The following MYCBP2 variants were observed in gnomAD, a reference collection of about 807,000 sequenced individuals.
MYCBP2 encodes MYC binding protein 2.
MYCBP2 carries 120 observed loss-of-function variants against 525.3 expected under a neutral mutation model. The ratio of observed to expected loss-of-function variants is 0.23; its 90% CI spans 0.20 to 0.27. The LOEUF (loss-of-function observed/expected upper bound fraction) is 0.27, where lower values mean the gene tolerates loss of function less well. MYCBP2 is among the 10% of genes least tolerant of loss of function. The pLI, the probability that MYCBP2 is intolerant of heterozygous loss-of-function variation, is 1.00. For missense variants in MYCBP2, 4,149 were observed against 5,657.1 expected, an observed-to-expected ratio of 0.73 and a Z score of 8.55; for synonymous variants, 1,894 against 1,955.8, an observed-to-expected ratio of 0.97 and a Z score of 0.83.
In MYCBP2 at chr13:77,058,519, C is replaced by T. The variant is rs912178712; in HGVS notation, c.13141-113G>A. 5.7e-5 allele frequency: 46 copies of T among 810,560 alleles called. No individual in the cohort carries two copies. The African/African-American group carries it at 7.1e-4, about 13-fold the overall frequency. 50.2% of individuals were successfully genotyped at this position (810,560 alleles called of 1,614,324 possible). ...TACTTTCCCACAGGAAGTATCTATG[C>T]AGGCCAAGTAACAACAAAGTAAAGT... On this transcript the variant is annotated intron_variant, in intron 77 of 82. Coordinates refer to ENST00000544440, the MANE Select transcript of MYCBP2 (RefSeq NM_015057.5). The surrounding 1 kb of genome is among the most constrained non-coding windows in gnomAD (Gnocchi z 4.1).
chr13:77,161,125 A>T (rs1335065741), intron 44 of MYCBP2, among the ~76,000 whole-genome samples: 1 of 152,114 alleles, frequency 6.6e-6, no homozygotes, highest in Non-Finnish European at 1.5e-5. Flanking sequence ...TACATCAGAA[A>T]CTCTGGTTTG....
chr13:77,242,100 C>A (rs1403545398), intron 17 of MYCBP2, among the ~76,000 whole-genome samples: 1 of 151,902 alleles, frequency 6.6e-6, no homozygotes, highest in Non-Finnish European at 1.5e-5. Context: ...CCAATTATAA[C>A]CACAGTTAAA....
At position 77,189,047 on chromosome 13, in the gene MYCBP2, T is replaced by C. The variant is rs374914298; in HGVS notation, c.4155A>G (p.Arg1385=). The C allele has an allele frequency of 7.5e-6, 12 of 1,604,532 alleles. No individual in the cohort carries two copies. In the African/African-American group the frequency reaches 1.5e-4, roughly 20 times the overall value. ...NAGQIPQLLY[R]LPTSDGSASK... ...AAGCACTGCCATCACTGGTTGGAAG[T>C]CTAAAGGCAGTAGACACATATAAAA... The change falls in exon 30 of 83, where the codon AGA becomes AGG. Residue 1385 remains arginine (R), a splice_region_variant and synonymous_variant. Transcript: ENST00000544440.
Position 77,270,442 on chromosome 13 carries a change from C to G in MYCBP2, c.1042G>C (p.Ala348Pro). ...QDWFSNGIKK[A>P]ALMHKWPLKE... ...AATGGCCACTTGTGCATTAAAGCTG[C>G]TTTCTTAATGCCATTACTAAACCAG... Residue 348 changes from alanine to proline, a missense_variant, in exon 6 of 83, where the codon GCA becomes CCA. By Grantham distance (27) the Ala-to-Pro change is conservative. This residue lies in a region of MYCBP2 where 413 missense variants were observed against 451.2 expected (regional missense o/e 0.92). Coordinates refer to ENST00000544440, the MANE Select transcript of MYCBP2 (RefSeq NM_015057.5). 1 of 1,613,778 alleles carries G rather than the reference C, an allele frequency of 6.2e-7. No individual in the cohort carries two copies. The highest frequency in any genetic ancestry group is 8.5e-7 in the Non-Finnish European group (1 of 1,179,814).
intron 36 of MYCBP2, among the ~76,000 whole-genome samples, chr13:77,176,019 C>CT (rs35933603): frequency 0.48 from 67,987 of 142,808 alleles, 19,432 homozygotes; most frequent in Non-Finnish European, 0.65. Flanking sequence ...AACAAAAACA[C>CT]TTTTTTTTTT....
At chr13:77,210,034 A>G (rs2063785621) in intron 23 of MYCBP2, among the ~76,000 whole-genome samples, 1 of 152,098 alleles carries the variant, frequency 6.6e-6, no homozygotes. Flanking sequence ...AACTTACTGG[A>G]ATCTTGCCTA....
intron 18 of MYCBP2, among the ~76,000 whole-genome samples, chr13:77,231,016 G>C (rs1323682929): frequency 5.3e-5 from 8 of 152,218 alleles, no homozygotes; most frequent in Admixed American, 5.2e-4. Context: ...TAAATGGTTA[G>C]TGGCTGGAGG....
At chr13:77,077,432 C>G (rs1237766427) in intron 66 of MYCBP2, 45 bp from the exon 67 acceptor site, 2 of 1,607,466 alleles carry the variant, frequency 1.2e-6, no homozygotes, top group Non-Finnish European at 1.7e-6. Flanking sequence ...AGCTGGATCA[C>G]TTTTATCACT....
intron 55 of MYCBP2, chr13:77,118,190 T>G (rs1469104600): frequency 2.3e-5 from 13 of 573,024 alleles, no homozygotes; most frequent in Non-Finnish European, 4.0e-5. Flanking sequence ...TAGCTCAGAA[T>G]AGCTTAGATA....
rs117641427 is a variant in MYCBP2, at chr13:77,094,905, T to C, written c.10199+453A>G. The stretch of plus-strand genomic sequence containing the variant: ...GACTTGACATCCGAGTATGAGTACA[T>C]AGAAGCCAGGATTTTGTTATATTCA... On this transcript the variant is annotated intron_variant, in intron 58 of 82. Coordinates refer to ENST00000544440, the MANE Select transcript of MYCBP2 (RefSeq NM_015057.5). 1.6e-3 allele frequency among the ~76,000 whole-genome samples: 238 copies of C among 152,282 alleles called. 1 individual carries two copies. Among genetic ancestry groups the C allele is most frequent in the South Asian group, 2.9e-3 (14 of 4,824 alleles).
intron 36 of MYCBP2, among the ~76,000 whole-genome samples, chr13:77,174,920 TA>T: frequency 1.2e-5 from 1 of 85,162 alleles, no homozygotes; most frequent in African/African-American, 8.2e-5. Context: ...TAATATATAT[TA>T]TATATATATA....
chr13:77,303,164 C>T (rs1158252534), intron 1 of MYCBP2, among the ~76,000 whole-genome samples: 2 of 152,178 alleles, frequency 1.3e-5, no homozygotes, highest in Admixed American at 6.5e-5. Context: ...GAAATACCGT[C>T]TCTACTAAAA....
In MYCBP2 at chr13:77,243,155, G is replaced by A. The variant is rs1288054096; in HGVS notation, c.2533C>T (p.Pro845Ser). The A allele has an allele frequency of 6.2e-7, 1 of 1,613,546 alleles. No individual in the cohort carries two copies. The highest frequency in any genetic ancestry group is 8.5e-7 in the Non-Finnish European group (1 of 1,179,718). ...MIPLDLLLAV[P>S]VPGVNIEEHL... ...TCTTCAATGTTAACCCCGGGCACTG[G>A]GACAGCTAGATGATTGGCCAAAAAC... The change falls in exon 17 of 83, where the codon CCA (proline) becomes TCA (serine). Residue 845 changes from proline to serine, a missense_variant. Physicochemically the swap from Pro to Ser is moderately conservative, Grantham distance 74. Around this residue, in one of 21 missense-constraint regions of MYCBP2, gnomAD observed 620 missense variants for 795.5 expected, o/e 0.78. Coordinates refer to ENST00000544440, the MANE Select transcript of MYCBP2 (RefSeq NM_015057.5).
At chr13:77,104,253 C>T (rs143042145) in intron 55 of MYCBP2, among the ~76,000 whole-genome samples, 171 of 152,058 alleles carry the variant, frequency 1.1e-3, no homozygotes, top group Admixed American at 2.8e-3. Flanking sequence ...GTGCTGTTTT[C>T]GGCTGATTCA....
chr13:77,083,643 A>T (rs1323248732), intron 62 of MYCBP2, among the ~76,000 whole-genome samples: 1 of 152,156 alleles, frequency 6.6e-6, no homozygotes, highest in Non-Finnish European at 1.5e-5. Context: ...ATTAGAAAAA[A>T]AAGCTCCTTT....
At chr13:77,056,621 G>GT (rs1344829487) in intron 79 of MYCBP2, among the ~76,000 whole-genome samples, 1 of 152,124 alleles carries the variant, frequency 6.6e-6, no homozygotes, top group East Asian at 1.9e-4. Flanking sequence ...TTAATGGCAG[G>GT]TATCAGTTTC....
chr13:77,132,426 T>C (rs2053048635), intron 52 of MYCBP2, among the ~76,000 whole-genome samples: 1 of 152,134 alleles, frequency 6.6e-6, no homozygotes, highest in Non-Finnish European at 1.5e-5. Flanking sequence ...CAAATGATAC[T>C]TTCTCTTCAA....
intron 52 of MYCBP2, chr13:77,129,259 T>C: frequency 2.5e-6 from 1 of 397,138 alleles, no homozygotes. Flanking sequence ...GAAAGAAAAA[T>C]ATCAACAAAG....
chr13:77,210,015 C>G (rs895779456), intron 23 of MYCBP2, among the ~76,000 whole-genome samples: 1 of 152,126 alleles, frequency 6.6e-6, no homozygotes. Flanking sequence ...CACACTACTT[C>G]AACCTTTCAA....
Sources: gnomAD v4.1 joint callset for allele counts (sites outside exome capture counted in the v4.1 genomes callset) on GRCh38, gnomAD v4.1.1 for gene constraint, gnomAD v4.1.1 regional missense constraint, Gnocchi (gnomAD v3.1) non-coding constraint, MANE v1.5 for transcripts, NCBI Gene and HGNC (gene_info 2026-07-23, HGNC 2026-07-21) for gene names.